Variants in OR56A3 observed in about 807,000 individuals in gnomAD.
The protein encoded by OR56A3 is olfactory receptor family 56 subfamily A member 3.
OR56A3 carries 23 observed loss-of-function variants against 17.5 expected under a neutral mutation model. That is an observed-to-expected ratio of 1.32 (90% CI 0.95 to 1.87). The LOEUF is 1.87. Among genes scored for constraint, OR56A3 ranks in the 40% most tolerant of loss-of-function variants. The pLI, the probability that OR56A3 is intolerant of heterozygous loss-of-function variation, is 0.00. For missense variants in OR56A3, 366 were observed against 380.1 expected (o/e 0.96, Z 0.31); for synonymous variants, 175 against 150.6 (o/e 1.16, Z -1.19).
chr11:5,966,200 G>C, the OR56A3 span, among the ~76,000 whole-genome samples: 2 of 119,124 alleles, frequency 1.7e-5, no homozygotes, highest in Non-Finnish European at 3.4e-5. Flanking sequence ...GTGAAACCCC[G>C]TCTCTACAAA....
At chr11:5,968,383 A>G in the OR56A3 span, 1 of 1,613,730 alleles carries the variant, frequency 6.2e-7, no homozygotes, top group Non-Finnish European at 8.5e-7. Context: ...GCCAGGAGGA[A>G]GAGGAGGCTG....
At chr11:5,966,816 A>G in the OR56A3 span, among the ~76,000 whole-genome samples, 1,026 of 152,146 alleles carry the variant, frequency 6.7e-3, 6 homozygotes, top group South Asian at 0.026. Context: ...ATCTGATGGA[A>G]AAGTCAGGTA....
the OR56A3 span, among the ~76,000 whole-genome samples, chr11:6,017,957 G>C: frequency 6.6e-6 from 1 of 151,856 alleles, no homozygotes; most frequent in Non-Finnish European, 1.5e-5. Context: ...AAATATTATA[G>C]TAAAAAGAGA....
At chr11:5,984,175 C>T in the OR56A3 span, among the ~76,000 whole-genome samples, 2 of 152,130 alleles carry the variant, frequency 1.3e-5, no homozygotes, top group African/African-American at 4.8e-5. Flanking sequence ...TATGACTTAC[C>T]AGAGAACCCT....
the OR56A3 span, among the ~76,000 whole-genome samples, chr11:5,999,188 G>A: frequency 3.0e-3 from 457 of 152,236 alleles, 2 homozygotes; most frequent in Non-Finnish European, 4.3e-3. Flanking sequence ...AAATAAACTA[G>A]TGACAAAAAT....
At chr11:5,994,850 TCA>T in the OR56A3 span, 6 of 761,970 alleles carry the variant, frequency 7.9e-6, no homozygotes, top group African/African-American at 8.5e-5. Context: ...CTTCTAGTTC[TCA>T]GTCTCCAGGC....
chr11:6,005,222 G>A, the OR56A3 span, among the ~76,000 whole-genome samples: 1 of 152,120 alleles, frequency 6.6e-6, no homozygotes, highest in Non-Finnish European at 1.5e-5. Flanking sequence ...CTGAAGTTCT[G>A]TTAGGTCAAA....
chr11:5,995,451 G>A, the OR56A3 span, among the ~76,000 whole-genome samples: 1 of 152,010 alleles, frequency 6.6e-6, no homozygotes, highest in Non-Finnish European at 1.5e-5. Flanking sequence ...ATTTAATCTT[G>A]GTGATGGTCA....
At chr11:5,984,455 T>C in the OR56A3 span, among the ~76,000 whole-genome samples, 1 of 152,178 alleles carries the variant, frequency 6.6e-6, no homozygotes, top group East Asian at 1.9e-4. Context: ...GTATTGTTAC[T>C]CTTCCATCTT....
At chr11:5,976,745 G>A in the OR56A3 span, among the ~76,000 whole-genome samples, 1 of 151,714 alleles carries the variant, frequency 6.6e-6, no homozygotes, top group Admixed American at 6.6e-5. Context: ...GGCTCATGGA[G>A]TATACATATG....
chr11:5,978,406 G>T, the OR56A3 span, among the ~76,000 whole-genome samples: 1 of 151,954 alleles, frequency 6.6e-6, no homozygotes, highest in South Asian at 2.1e-4. Context: ...TGTAATTCTG[G>T]TTGTAGAGAT....
chr11:5,990,705 C>T, the OR56A3 span, among the ~76,000 whole-genome samples: 31 of 152,120 alleles, frequency 2.0e-4, no homozygotes, highest in African/African-American at 5.8e-4. Context: ...TAATAAAAGA[C>T]GAAGATACAA....
chr11:5,957,795 A>G, the OR56A3 span, among the ~76,000 whole-genome samples: 1 of 152,216 alleles, frequency 6.6e-6, no homozygotes, highest in Admixed American at 6.5e-5. Context: ...TCCAAGTGCT[A>G]GAAGACAGTT....
chr11:5,946,874 G>A (rs545240617), intron 2 of OR56A3, among the ~76,000 whole-genome samples: 2 of 152,312 alleles, frequency 1.3e-5, no homozygotes, highest in African/African-American at 4.8e-5. Context: ...ACATTTATCT[G>A]AGTCCCTTCC....
the OR56A3 span, among the ~76,000 whole-genome samples, chr11:5,990,617 G>C: frequency 4.0e-5 from 6 of 151,670 alleles, no homozygotes; most frequent in South Asian, 1.2e-3. Context: ...TGATAATAGG[G>C]TAAAAAAGAA....
chr11:5,945,671 G>T (rs1478606507), intron 2 of OR56A3, among the ~76,000 whole-genome samples: 1 of 151,656 alleles, frequency 6.6e-6, no homozygotes, highest in East Asian at 1.9e-4. Flanking sequence ...GTAAGATTAG[G>T]ATTAGAATAA....
At chr11:5,981,774 C>T in the OR56A3 span, among the ~76,000 whole-genome samples, 1 of 152,154 alleles carries the variant, frequency 6.6e-6, no homozygotes, top group Non-Finnish European at 1.5e-5. Flanking sequence ...CTGGTTTTTC[C>T]TCATCTGTAT....
At chr11:6,002,798 C>T in the OR56A3 span, 1 of 1,613,508 alleles carries the variant, frequency 6.2e-7, no homozygotes, top group African/African-American at 1.3e-5. Context: ...GGAGGCTGAG[C>T]AGGTAGTACA....
At chr11:5,980,658 G>T in the OR56A3 span, among the ~76,000 whole-genome samples, 1 of 152,030 alleles carries the variant, frequency 6.6e-6, no homozygotes, top group Non-Finnish European at 1.5e-5. Flanking sequence ...CATTTTAAGT[G>T]GGGTTTTTAC....
Sources: allele counts gnomAD v4.1 joint callset (sites outside exome capture counted in the v4.1 genomes callset), GRCh38; gene constraint gnomAD v4.1.1; transcripts MANE v1.5; gene names NCBI Gene and HGNC (gene_info 2026-07-23, HGNC 2026-07-21).